Variants in EPB41L4B observed in about 807,000 individuals in gnomAD.
EPB41L4B encodes erythrocyte membrane protein band 4.1 like 4B, also known as band 4.1-like protein 4B.
EPB41L4B carries 30 observed loss-of-function variants against 112.5 expected under a neutral mutation model. That is an observed-to-expected ratio of 0.27 (90% CI 0.20 to 0.36). The LOEUF (loss-of-function observed/expected upper bound fraction) is 0.36. Among genes scored for constraint, EPB41L4B ranks in the 10% least tolerant of loss-of-function variants. EPB41L4B has a pLI of 1.00. For synonymous variants in EPB41L4B, 408 were observed against 439.7 expected (o/e 0.93, Z 0.90); for missense variants, 1,024 against 1,133.3 (o/e 0.90, Z 1.38).
At chr9:109,183,146 G>A (rs1342279626) in intron 23 of EPB41L4B, among the ~76,000 whole-genome samples, 1 of 152,158 alleles carries the variant, frequency 6.6e-6, no homozygotes, top group Non-Finnish European at 1.5e-5. Context: ...GGATAATGAG[G>A]GAGTCAGAGT....
At chr9:109,192,463 A>T (rs1021050848) in intron 21 of EPB41L4B, 108 bp from the exon 22 acceptor site, 4 of 676,672 alleles carry the variant, frequency 5.9e-6, no homozygotes, top group African/African-American at 3.6e-5. Context: ...CACTGATCTC[A>T]TTAGCAATGA....
intron 18 of EPB41L4B, among the ~76,000 whole-genome samples, chr9:109,206,420 T>C (rs772724009): frequency 2.0e-5 from 3 of 152,218 alleles, no homozygotes; most frequent in Non-Finnish European, 4.4e-5. Context: ...TGGCCTCAAG[T>C]GATCCACCCG....
chr9:109,191,746 A>T (rs1832467662), intron 22 of EPB41L4B, among the ~76,000 whole-genome samples: 2 of 152,092 alleles, frequency 1.3e-5, no homozygotes, highest in Admixed American at 6.5e-5. Context: ...TAATTCTCAG[A>T]CCCACCAGGC....
intron 6 of EPB41L4B, among the ~76,000 whole-genome samples, chr9:109,261,423 A>C (rs7030646): frequency 0.93 from 141,225 of 152,098 alleles, 65,748 homozygotes; most frequent in East Asian, 1. Flanking sequence ...AGTCTGGGTG[A>C]GGTTGCTCAT....
intron 15 of EPB41L4B, chr9:109,241,733 C>T (rs539916486): frequency 1.8e-5 from 29 of 1,614,134 alleles, no homozygotes; most frequent in Admixed American, 1.2e-4. Context: ...TGGTTCTGGT[C>T]GTGGACATAA....
At chr9:109,302,143 A>G (rs1836993590) in intron 1 of EPB41L4B, among the ~76,000 whole-genome samples, 1 of 152,236 alleles carries the variant, frequency 6.6e-6, no homozygotes, top group African/African-American at 2.4e-5. Context: ...CTGCAGATGC[A>G]AAAGACACAT....
intron 14 of EPB41L4B, among the ~76,000 whole-genome samples, chr9:109,244,028 G>C (rs1834451432): frequency 6.6e-6 from 1 of 152,206 alleles, no homozygotes; most frequent in Non-Finnish European, 1.5e-5. Flanking sequence ...GGCGGAAGGT[G>C]TCAGAGAGAT....
At chr9:109,293,532 G>A (rs1253115910) in intron 1 of EPB41L4B, among the ~76,000 whole-genome samples, 2 of 151,512 alleles carry the variant, frequency 1.3e-5, no homozygotes, top group Non-Finnish European at 2.9e-5. Flanking sequence ...ACAGGCACCC[G>A]CCACCACGCT....
chr9:109,256,762 G>T (rs1220280203), intron 7 of EPB41L4B, among the ~76,000 whole-genome samples: 2 of 152,210 alleles, frequency 1.3e-5, no homozygotes, highest in Admixed American at 6.5e-5. Flanking sequence ...GACTAACATG[G>T]TGAAACCCCA....
chr9:109,247,513 T>A (rs559143989), intron 14 of EPB41L4B, among the ~76,000 whole-genome samples: 1 of 152,016 alleles, frequency 6.6e-6, no homozygotes, highest in Non-Finnish European at 1.5e-5. Flanking sequence ...TGCTTGCCAG[T>A]TGACAAGGTT....
intron 20 of EPB41L4B, 96 bp from the exon 21 acceptor site, chr9:109,194,493 G>A (rs756358670): frequency 2.4e-4 from 326 of 1,344,296 alleles, no homozygotes; most frequent in Non-Finnish European, 3.1e-4. Flanking sequence ...GAAGACCAGG[G>A]ATGGGGATTG....
rs148950448 is a variant in EPB41L4B at position 109,303,275 on chromosome 9, C to G, written c.306+16866G>C. On this transcript the variant is annotated intron_variant, in intron 1 of 25. Coordinates refer to ENST00000374566, the MANE Select transcript of EPB41L4B (RefSeq NM_019114.5). ...ATAAAAAAAAAACAATTTTTAAATT[C>G]TTTAATCAATAATTCCTAAACATTA... 1.6e-4 allele frequency among the ~76,000 whole-genome samples: 25 copies of G among 151,934 alleles called. No individual in the cohort carries two copies. The East Asian group carries it at 4.4e-3, about 27-fold the overall frequency.
intron 16 of EPB41L4B, among the ~76,000 whole-genome samples, chr9:109,214,706 G>T (rs1833301396): frequency 6.6e-6 from 1 of 152,166 alleles, no homozygotes; most frequent in South Asian, 2.1e-4. Flanking sequence ...GAGTAGTTCT[G>T]TGTAGCTAGA....
chr9:109,204,831 A>G (rs1832942375), intron 18 of EPB41L4B, among the ~76,000 whole-genome samples: 1 of 152,112 alleles, frequency 6.6e-6, no homozygotes, highest in Non-Finnish European at 1.5e-5. Flanking sequence ...AGATAGTACC[A>G]TTGGTCTGTT....
chr9:109,314,092 G>A (rs1411216533), intron 1 of EPB41L4B, among the ~76,000 whole-genome samples: 2 of 152,186 alleles, frequency 1.3e-5, no homozygotes, highest in Admixed American at 1.3e-4. Context: ...TCAGGCAGCA[G>A]CCACGGGCTA....
chr9:109,187,523 C>T (rs1275551580), intron 22 of EPB41L4B, among the ~76,000 whole-genome samples: 1 of 152,076 alleles, frequency 6.6e-6, no homozygotes, highest in Admixed American at 6.6e-5. Flanking sequence ...CTACTTAAAA[C>T]CCTCCTGCTG....
intron 14 of EPB41L4B, among the ~76,000 whole-genome samples, chr9:109,246,360 A>AT (rs536448187): frequency 2.6e-5 from 4 of 152,308 alleles, no homozygotes; most frequent in African/African-American, 9.6e-5. Context: ...GGGTCTCACT[A>AT]TGTTGCCCAG....
chr9:109,288,774 G>A lies in EPB41L4B; in HGVS notation c.307-8853C>T, dbSNP rs557230076. Among the ~76,000 whole-genome samples, 194 of 126,478 alleles carry A rather than the reference G, an allele frequency of 1.5e-3. 1 individual carries two copies. Among genetic ancestry groups the A allele is most frequent in the Admixed American group, 2.8e-3 (31 of 11,126 alleles). The allele number at this position is 126,478 out of a possible 152,430, so 83.0% of individuals were successfully genotyped here. ...AAAAAAGCTGGGTGTGGTGGTATAT[G>A]CCTGTAGTCCCAACTACTCAAGAGG... On this transcript the variant is annotated intron_variant, in intron 1 of 25. Transcript: ENST00000374566.
chr9:109,272,751 T>C lies in EPB41L4B; in HGVS notation c.412-4318A>G, dbSNP rs77444605. 7.0e-4 allele frequency among the ~76,000 whole-genome samples: 106 copies of C among 152,262 alleles called. 2 individuals carry two copies. In the East Asian group the frequency reaches 0.013, roughly 18 times the overall value. ...CTGGGTGACAGAGTAAGACCCTATC[T>C]CAAATACATATATATAGTTTGTGTT... On this transcript the variant is annotated intron_variant, in intron 2 of 25. Transcript: ENST00000374566.
Sources: gnomAD v4.1 joint callset for allele counts (sites outside exome capture counted in the v4.1 genomes callset) on GRCh38, gnomAD v4.1.1 for gene constraint, MANE v1.5 for transcripts, NCBI Gene and HGNC (gene_info 2026-07-23, HGNC 2026-07-21) for gene names.